The following PRKCI variants were observed in gnomAD, a reference collection of about 807,000 sequenced individuals.
PRKCI encodes protein kinase C iota type.
PRKCI carries 43 observed loss-of-function variants against 84.0 expected under a neutral mutation model. The observed-to-expected ratio is 0.51, with a 90% CI of 0.40 to 0.66. PRKCI has a LOEUF of 0.66. Ranked by LOEUF, PRKCI falls within the 30% of genes least tolerant of loss-of-function variation. PRKCI has a pLI of 0.00. For missense variants in PRKCI, 459 were observed against 745.6 expected (o/e 0.62, Z 4.48); for synonymous variants, 216 against 234.4 (o/e 0.92, Z 0.72).
intron 2 of PRKCI, among the ~76,000 whole-genome samples, chr3:170,243,430 G>A (rs1733184469): frequency 6.6e-6 from 1 of 152,110 alleles, no homozygotes; most frequent in African/African-American, 2.4e-5. Flanking sequence ...CATTGGGATT[G>A]TTTTTGGTTT....
At chr3:170,273,591 G>T (rs1487146488) in intron 7 of PRKCI, among the ~76,000 whole-genome samples, 4 of 151,932 alleles carry the variant, frequency 2.6e-5, no homozygotes, top group African/African-American at 9.7e-5. Flanking sequence ...GAGGCAGGTG[G>T]ATCACCTGAG....
In PRKCI at chr3:170,273,476, G is replaced by T; in HGVS notation, c.646+136G>T. Reference sequence around the variant, plus strand: ...AAGTAAATACATATATTTTGTAGTGGTGAAATCAGTCACACTATTTAACAT... The same window carrying T: ...AAGTAAATACATATATTTTGTAGTGTTGAAATCAGTCACACTATTTAACAT... On this transcript the variant is annotated intron_variant, in intron 7 of 17. Coordinates refer to ENST00000295797, the MANE Select transcript of PRKCI (RefSeq NM_002740.6). 3.7e-6 allele frequency: 3 copies of T among 816,414 alleles called. No homozygotes were observed. The South Asian group carries it at 5.1e-5, about 14-fold the overall frequency. The allele number at this position is 816,414 out of a possible 1,614,324, so 50.6% of individuals were successfully genotyped here. A position where few individuals can be genotyped will look rare whatever the true frequency, so the allele number is the denominator to read the frequency against.
Position 170,280,453 on chromosome 3 carries a change from T to TC in PRKCI, c.882+50_882+51insC, listed in dbSNP as rs1734214210. On this transcript the variant is annotated intron_variant, in intron 9 of 17. Coordinates refer to ENST00000295797, the MANE Select transcript of PRKCI (RefSeq NM_002740.6). ...TCTAAACTGCTTGAGAATACTATTC[T>TC]TTTTTTTTTTTGAAACGGAGTTTCG... 7 of 580,818 alleles carry TC rather than the reference T, an allele frequency of 1.2e-5. No homozygotes were observed. In the East Asian group the frequency reaches 3.5e-4, roughly 29 times the overall value. The allele number at this position is 580,818 out of a possible 1,614,324, so 36.0% of individuals were successfully genotyped here. A position where few individuals can be genotyped will look rare whatever the true frequency, so the allele number is the denominator to read the frequency against.
chr3:170,227,338 G>C (rs1021595043), intron 1 of PRKCI, among the ~76,000 whole-genome samples: 1 of 152,228 alleles, frequency 6.6e-6, no homozygotes, highest in African/African-American at 2.4e-5. Flanking sequence ...TAGGCACAGA[G>C]AATGTAGAGG....
chr3:170,281,986 G>C lies in PRKCI; in HGVS notation c.1067+18G>C, dbSNP rs1489328487. 1 of 1,604,542 alleles carries C rather than the reference G, an allele frequency of 6.2e-7. No homozygotes were observed. The highest frequency in any genetic ancestry group is 8.5e-7 in the Non-Finnish European group (1 of 1,176,430). On this transcript the variant is annotated intron_variant, in intron 11 of 17. Coordinates refer to ENST00000295797, the MANE Select transcript of PRKCI (RefSeq NM_002740.6). The stretch of plus-strand genomic sequence containing the variant: ...CATGCCAGGTGAGTTTTTGTTTACT[G>C]TTTGTGTTGTTTTCTTTTTGGGGCC...
intron 2 of PRKCI, among the ~76,000 whole-genome samples, chr3:170,242,997 C>G (rs1733174389): frequency 6.6e-6 from 1 of 151,648 alleles, no homozygotes; most frequent in African/African-American, 2.4e-5. Context: ...TAGAGAAGTT[C>G]TGCTGGTGAG....
rs901807149 is a variant in PRKCI at position 170,282,042 on chromosome 3, CAGT to C, written c.1067+77_1067+79del. ...GCTTTTTATGTGCAGTGGTTGGAAA[CAGT>C]AGATAAATAATTTATTTTGATACTA... is the stretch of plus-strand genomic sequence containing the variant. On this transcript the variant is annotated intron_variant, in intron 11 of 17. Transcript: ENST00000295797. 73 of 1,456,850 alleles carry C rather than the reference CAGT, an allele frequency of 5.0e-5. No homozygotes were observed. In the African/African-American group the frequency reaches 1.0e-3, roughly 20 times the overall value. 90.2% of individuals were successfully genotyped at this position (1,456,850 alleles called of 1,614,324 possible). A position where few individuals can be genotyped will look rare whatever the true frequency, so the allele number is the denominator to read the frequency against.
intron 15 of PRKCI, 139 bp from the exon 16 acceptor site, chr3:170,297,165 A>T (rs1164764425): frequency 1.5e-6 from 1 of 654,038 alleles, no homozygotes; most frequent in Non-Finnish European, 2.6e-6. Context: ...CTGGAGTTGT[A>T]CTTTCTAGAA....
intron 16 of PRKCI, among the ~76,000 whole-genome samples, chr3:170,297,653 AC>A (rs1486110083): frequency 6.6e-6 from 1 of 150,704 alleles, no homozygotes; most frequent in African/African-American, 2.4e-5. Context: ...GGGGGGTTTC[AC>A]AATGTCGGCC....
At position 170,222,745 on chromosome 3, in the gene PRKCI, G is replaced by A. The variant is rs1331532531; in HGVS notation, c.76G>A (p.Val26Ile). The change falls in exon 1 of 18, where the codon GTC becomes ATC. Residue 26 changes from valine to isoleucine, a missense_variant. By Grantham distance (29) the Val-to-Ile change is conservative (BLOSUM62 3). Transcript: ENST00000295797. Reference protein sequence around the residue: ...GGGSGDHSHQVRVKAYYRGDI... With the variant: ...GGGSGDHSHQIRVKAYYRGDI... ...CGGCAGCGGGGACCATTCCCACCAG[G>A]TCCGGGTGAAAGCCTACTACCGCGG... 1.9e-6 allele frequency: 3 copies of A among 1,611,026 alleles called. No homozygotes were observed. Among genetic ancestry groups the A allele is most frequent in the East Asian group, 2.2e-5 (1 of 44,782 alleles).
In PRKCI at chr3:170,295,993, A is replaced by G; in HGVS notation, c.1497+3A>G. On this transcript the variant is annotated splice_donor_region_variant and intron_variant, in intron 15 of 17. Coordinates refer to ENST00000295797, the MANE Select transcript of PRKCI (RefSeq NM_002740.6). ...TTCTGAAGAGTTTTCTTAATAAGGTATAAATTGTGTATAAGAATATTTTGT... is the reference window on the plus strand; with the variant it reads ...TTCTGAAGAGTTTTCTTAATAAGGTGTAAATTGTGTATAAGAATATTTTGT... The G allele has an allele frequency of 6.7e-7, 1 of 1,485,230 alleles. No homozygotes were observed. 92.0% of individuals were successfully genotyped at this position (1,485,230 alleles called of 1,614,324 possible).
chr3:170,231,940 G>A (rs548408718), intron 1 of PRKCI, among the ~76,000 whole-genome samples: 1 of 152,100 alleles, frequency 6.6e-6, no homozygotes, highest in Non-Finnish European at 1.5e-5. Context: ...GGTGGCTCAC[G>A]CCTGTAATTG....
intron 1 of PRKCI, among the ~76,000 whole-genome samples, chr3:170,223,917 T>TTTTTTTTTTATTATTATAC (rs1491409616): frequency 6.9e-5 from 4 of 57,986 alleles, no homozygotes; most frequent in African/African-American, 1.6e-4. Context: ...ATGTAAGGAC[T>TTTTTTTTTTATTATTATAC]TTTTTTTTTA....
intron 6 of PRKCI, among the ~76,000 whole-genome samples, chr3:170,270,804 G>A (rs889949161): frequency 6.6e-6 from 1 of 151,914 alleles, no homozygotes; most frequent in Admixed American, 6.6e-5. Flanking sequence ...AAATCCTCTG[G>A]TCTAAATTAG....
chr3:170,264,652 T>G (rs1267390694), intron 4 of PRKCI, among the ~76,000 whole-genome samples: 1 of 152,194 alleles, frequency 6.6e-6, no homozygotes, highest in East Asian at 1.9e-4. Context: ...GTATATTTAT[T>G]AGATCTCCAA....
chr3:170,261,010 G>A (rs536488205), intron 3 of PRKCI, among the ~76,000 whole-genome samples: 3 of 151,954 alleles, frequency 2.0e-5, no homozygotes, highest in Non-Finnish European at 4.4e-5. Context: ...AGGCTGGAGT[G>A]CATTGGTGCA....
At chr3:170,249,050 A>G (rs377560420) in intron 2 of PRKCI, among the ~76,000 whole-genome samples, 2 of 152,084 alleles carry the variant, frequency 1.3e-5, no homozygotes, top group East Asian at 3.9e-4. Flanking sequence ...GGGTTTCACC[A>G]TGTTATCCAG....
intron 4 of PRKCI, among the ~76,000 whole-genome samples, chr3:170,264,488 A>G (rs939921147): frequency 6.6e-6 from 1 of 152,132 alleles, no homozygotes; most frequent in Non-Finnish European, 1.5e-5. Flanking sequence ...CATGTTGGCC[A>G]GGCCGGTGTC....
chr3:170,286,997 C>T (rs1376126630), intron 12 of PRKCI, among the ~76,000 whole-genome samples: 1 of 151,570 alleles, frequency 6.6e-6, no homozygotes, highest in African/African-American at 2.4e-5. Flanking sequence ...TAATTTTGTT[C>T]CAGTTAACAA....
Sources: gnomAD v4.1 joint callset for allele counts (sites outside exome capture counted in the v4.1 genomes callset) on GRCh38, gnomAD v4.1.1 for gene constraint, MANE v1.5 for transcripts, NCBI Gene and HGNC (gene_info 2026-07-23, HGNC 2026-07-21) for gene names.